LSM12: variants seen among roughly 807,000 people sequenced by gnomAD.
LSM12 encodes protein LSM12.
For synonymous variants in LSM12, 74 were observed against 87.3 expected (o/e 0.85, Z 0.85); for missense variants, 108 against 238.9 (o/e 0.45, Z 3.61).
At chr17:44,064,072 G>A in intron 1 of LSM12, 138 bp from the exon 2 acceptor site, 2 of 912,184 alleles carry the variant, frequency 2.2e-6, no homozygotes, top group East Asian at 2.7e-5. Context: ...TAAGAATCAC[G>A]GTTCTCCTCA....
chr17:44,063,129 G>A (rs889942291), intron 2 of LSM12, among the ~76,000 whole-genome samples: 5 of 151,836 alleles, frequency 3.3e-5, no homozygotes, highest in Non-Finnish European at 4.4e-5. Flanking sequence ...GCATGGTGAC[G>A]CATGCATGTA....
chr17:44,059,773 C>T (rs2049770699), intron 2 of LSM12, among the ~76,000 whole-genome samples: 1 of 152,142 alleles, frequency 6.6e-6, no homozygotes, highest in Non-Finnish European at 1.5e-5. Context: ...CCTGCTAGGT[C>T]AGAGTCAACA....
At chr17:44,046,186 C>T (rs1208651499) in intron 2 of LSM12, among the ~76,000 whole-genome samples, 3 of 150,896 alleles carry the variant, frequency 2.0e-5, no homozygotes, top group Non-Finnish European at 4.4e-5. Flanking sequence ...CCGCCCGCCT[C>T]GGCCTCCCAA....
At chr17:44,059,712 C>T (rs2049770051) in intron 2 of LSM12, among the ~76,000 whole-genome samples, 1 of 152,190 alleles carries the variant, frequency 6.6e-6, no homozygotes, top group African/African-American at 2.4e-5. Context: ...TATACCTTCC[C>T]TAGTTGAGCT....
At chr17:44,063,551 A>G (rs569114000) in intron 2 of LSM12, among the ~76,000 whole-genome samples, 42 of 152,320 alleles carry the variant, frequency 2.8e-4, no homozygotes, top group Non-Finnish European at 5.0e-4. Context: ...CAAGATTTAA[A>G]AAGTCCTCTT....
At chr17:44,037,630 C>T (rs2049432929) in intron 3 of LSM12, 92 bp from the exon 4 acceptor site, 3 of 1,432,984 alleles carry the variant, frequency 2.1e-6, no homozygotes, top group Non-Finnish European at 2.8e-6. Flanking sequence ...AGGCTGATCC[C>T]AAGTTCCCAG....
intron 2 of LSM12, among the ~76,000 whole-genome samples, chr17:44,053,948 CACT>C (rs1237470498): frequency 3.3e-5 from 5 of 152,160 alleles, no homozygotes; most frequent in African/African-American, 9.7e-5. Context: ...GAATTACCAC[CACT>C]GACCCACCCT....
chr17:44,040,548 T>C (rs978738084), intron 2 of LSM12, among the ~76,000 whole-genome samples: 1 of 152,128 alleles, frequency 6.6e-6, no homozygotes, highest in Non-Finnish European at 1.5e-5. Flanking sequence ...GGAGACAGAC[T>C]ATAAACAAGT....
intron 2 of LSM12, among the ~76,000 whole-genome samples, chr17:44,054,688 C>T (rs1440700000): frequency 1.3e-5 from 2 of 152,136 alleles, no homozygotes; most frequent in East Asian, 3.9e-4. Flanking sequence ...ATGCCCCTGC[C>T]ACTCAGCAGT....
intron 2 of LSM12, among the ~76,000 whole-genome samples, chr17:44,043,635 G>C (rs1453822328): frequency 2.7e-5 from 4 of 150,538 alleles, no homozygotes; most frequent in Non-Finnish European, 5.9e-5. Flanking sequence ...AACCTAAGGA[G>C]GAGTTTCCTT....
In LSM12 at chr17:44,062,200, C is replaced by A. The variant is rs190207254; in HGVS notation, c.258+1601G>T. On this transcript the variant is annotated intron_variant, in intron 2 of 4. Coordinates refer to ENST00000293406, the MANE Select transcript of LSM12 (RefSeq NM_001371445.1). ...TGGCGCCACTGCACTCCAGCCTGGG[C>A]GACAAAGCGAGACTCCGTCTCAAAA... Among the ~76,000 whole-genome samples, 6 of 125,122 alleles carry A rather than the reference C, an allele frequency of 4.8e-5. No homozygotes were observed. The East Asian group carries it at 6.7e-4, about 14-fold the overall frequency. 82.1% of individuals were successfully genotyped at this position (125,122 alleles called of 152,430 possible).
chr17:44,053,659 C>T (rs2049674592), intron 2 of LSM12, among the ~76,000 whole-genome samples: 1 of 152,194 alleles, frequency 6.6e-6, no homozygotes. Flanking sequence ...AGAGGTCACA[C>T]ATTCATTAAC....
intron 3 of LSM12, among the ~76,000 whole-genome samples, chr17:44,039,307 G>A (rs551833688): frequency 2.6e-5 from 4 of 151,490 alleles, no homozygotes; most frequent in South Asian, 2.1e-4. Context: ...CGCCCACCTC[G>A]GCCTCCCAAA....
intron 2 of LSM12, among the ~76,000 whole-genome samples, chr17:44,052,162 G>GGAGGTCGAGGCT (rs1334456166): frequency 6.6e-6 from 1 of 151,678 alleles, no homozygotes; most frequent in East Asian, 1.9e-4. Flanking sequence ...CCTGAGCCAA[G>GGAGGTCGAGGCT]GAGGTCGAGG....
At chr17:44,062,086 G>A (rs2049803179) in intron 2 of LSM12, among the ~76,000 whole-genome samples, 1 of 152,136 alleles carries the variant, frequency 6.6e-6, no homozygotes, top group Non-Finnish European at 1.5e-5. Context: ...GCCGGGCGTG[G>A]TGTCGGGCGC....
At chr17:44,048,076 G>C (rs1245067852) in intron 2 of LSM12, among the ~76,000 whole-genome samples, 1 of 150,088 alleles carries the variant, frequency 6.7e-6, no homozygotes, top group Non-Finnish European at 1.5e-5. Context: ...CAAATAAAAA[G>C]AGTTCTTTAT....
chr17:44,039,619 G>C (rs1001284481), intron 3 of LSM12, among the ~76,000 whole-genome samples: 3 of 150,406 alleles, frequency 2.0e-5, no homozygotes, highest in African/African-American at 7.4e-5. Context: ...CTGACCTCAT[G>C]ATCCACCTGC....
At chr17:44,040,333 G>A in intron 2 of LSM12, 77 bp from the exon 3 acceptor site, 2 of 1,076,196 alleles carry the variant, frequency 1.9e-6, no homozygotes, top group Non-Finnish European at 1.4e-6. Context: ...CTAAGCTGAA[G>A]AAAGGAGGCC....
At chr17:44,058,507 T>C (rs1313469634) in intron 2 of LSM12, among the ~76,000 whole-genome samples, 2 of 151,600 alleles carry the variant, frequency 1.3e-5, no homozygotes, top group South Asian at 2.1e-4. Flanking sequence ...TTACAGACCA[T>C]CCTGGGCCAC....
Sources: gnomAD v4.1 joint callset for allele counts (sites outside exome capture counted in the v4.1 genomes callset) on GRCh38, gnomAD v4.1.1 for gene constraint, MANE v1.5 for transcripts, NCBI Gene and HGNC (gene_info 2026-07-23, HGNC 2026-07-21) for gene names.